OPCML: variants seen among roughly 807,000 people sequenced by gnomAD.
OPCML encodes opioid binding protein/cell adhesion molecule like, also known as opioid-binding protein/cell adhesion molecule.
In OPCML, 13 loss-of-function variants were observed where a neutral mutation model predicts 37.8. The ratio of observed to expected loss-of-function variants is 0.34; its 90% CI spans 0.22 to 0.55. The LOEUF (loss-of-function observed/expected upper bound fraction) is 0.55. OPCML is among the 20% of genes least tolerant of loss of function. OPCML has a pLI of 0.91. For synonymous variants in OPCML, 176 were observed against 168.8 expected, an observed-to-expected ratio of 1.04 and a Z score of -0.33; for missense variants, 341 against 435.6, an observed-to-expected ratio of 0.78 and a Z score of 1.93.
intron 1 of OPCML, among the ~76,000 whole-genome samples, chr11:133,084,651 T>C (rs553831119): frequency 6.6e-6 from 1 of 152,328 alleles, no homozygotes; most frequent in South Asian, 2.1e-4. Context: ...AGATAGGGCC[T>C]GGCCTGATCA....
intron 1 of OPCML, among the ~76,000 whole-genome samples, chr11:133,230,648 C>T (rs1400854090): frequency 2.0e-5 from 3 of 152,140 alleles, no homozygotes; most frequent in Non-Finnish European, 4.4e-5. Flanking sequence ...ATCAGTCGCA[C>T]GCAATAAAAG....
intron 3 of OPCML, among the ~76,000 whole-genome samples, chr11:132,643,486 A>G (rs1333971851): frequency 6.6e-6 from 1 of 152,024 alleles, no homozygotes; most frequent in African/African-American, 2.4e-5. Flanking sequence ...TCCCACCCCC[A>G]ACCAGGGAGG....
intron 1 of OPCML, among the ~76,000 whole-genome samples, chr11:133,350,581 G>A (rs987076240): frequency 3.3e-5 from 5 of 152,242 alleles, no homozygotes; most frequent in Non-Finnish European, 7.4e-5. Context: ...GATCCCAAAT[G>A]GGAATGGGAA....
intron 4 of OPCML, among the ~76,000 whole-genome samples, chr11:132,527,634 G>A (rs1161704406): frequency 1.3e-5 from 2 of 151,690 alleles, no homozygotes; most frequent in South Asian, 2.1e-4. Context: ...TCAAATATAT[G>A]TACAAGAAAT....
At chr11:133,084,068 AT>A (rs112976095) in intron 1 of OPCML, among the ~76,000 whole-genome samples, 1,651 of 148,880 alleles carry the variant, frequency 0.011, 23 homozygotes, top group African/African-American at 0.032. Context: ...CTCTCTTGAC[AT>A]TTTTTTTTTA....
At chr11:132,922,410 G>C (rs555068406) in intron 2 of OPCML, among the ~76,000 whole-genome samples, 2 of 152,176 alleles carry the variant, frequency 1.3e-5, no homozygotes, top group Non-Finnish European at 2.9e-5. Flanking sequence ...AGCCAAAAGA[G>C]GTCGGATGGG....
At chr11:133,313,434 C>T (rs1442956897) in intron 1 of OPCML, among the ~76,000 whole-genome samples, 2 of 152,170 alleles carry the variant, frequency 1.3e-5, no homozygotes, top group Non-Finnish European at 2.9e-5. Context: ...TTCCAAGAAC[C>T]TGTGAATGCA....
intron 1 of OPCML, among the ~76,000 whole-genome samples, chr11:133,139,077 T>C (rs1592038119): frequency 6.6e-6 from 1 of 152,236 alleles, no homozygotes; most frequent in East Asian, 1.9e-4. Flanking sequence ...AGATATGCCA[T>C]AAATGATTGT....
At chr11:133,091,147 G>C (rs1361629440) in intron 1 of OPCML, among the ~76,000 whole-genome samples, 3 of 152,172 alleles carry the variant, frequency 2.0e-5, no homozygotes, top group Non-Finnish European at 4.4e-5. Flanking sequence ...GTGCAGCTTG[G>C]GCCACCACTT....
chr11:132,820,128 A>G (rs1939895883), intron 2 of OPCML, among the ~76,000 whole-genome samples: 1 of 152,160 alleles, frequency 6.6e-6, no homozygotes, highest in Non-Finnish European at 1.5e-5. Flanking sequence ...GGAAGAAAAG[A>G]AAATGGAGTG....
chr11:132,532,260 C>G (rs1045018219), intron 3 of OPCML, among the ~76,000 whole-genome samples: 3 of 152,132 alleles, frequency 2.0e-5, no homozygotes, highest in African/African-American at 7.2e-5. Flanking sequence ...GTCTGCTTTC[C>G]TCTGTAGCTC....
chr11:132,970,322 C>T (rs1302059158), intron 1 of OPCML, among the ~76,000 whole-genome samples: 3 of 152,054 alleles, frequency 2.0e-5, no homozygotes, highest in Non-Finnish European at 4.4e-5. Flanking sequence ...AGTCTAATTA[C>T]CCTTTTGGGA....
intron 1 of OPCML, among the ~76,000 whole-genome samples, chr11:133,011,501 A>G (rs1324942915): frequency 6.6e-6 from 1 of 152,208 alleles, no homozygotes; most frequent in Non-Finnish European, 1.5e-5. Flanking sequence ...CCCAGAGTTG[A>G]CATGCTATAA....
At chr11:133,069,698 C>T (rs1489011305) in intron 1 of OPCML, among the ~76,000 whole-genome samples, 1 of 152,182 alleles carries the variant, frequency 6.6e-6, no homozygotes, top group Non-Finnish European at 1.5e-5. Flanking sequence ...GTCTCAACAG[C>T]ACTCCCGTTT....
intron 1 of OPCML, among the ~76,000 whole-genome samples, chr11:132,977,144 T>G (rs889722053): frequency 6.6e-6 from 1 of 152,228 alleles, no homozygotes; most frequent in Admixed American, 6.5e-5. Context: ...AGTTGGTATG[T>G]CTCATAAAAT....
intron 2 of OPCML, among the ~76,000 whole-genome samples, chr11:132,703,400 C>G (rs1943908195): frequency 6.6e-6 from 1 of 152,160 alleles, no homozygotes; most frequent in Non-Finnish European, 1.5e-5. Flanking sequence ...ATGTTGCTGT[C>G]CAGTGTATGA....
chr11:133,108,907 C>G (rs1949205966), intron 1 of OPCML, among the ~76,000 whole-genome samples: 1 of 152,186 alleles, frequency 6.6e-6, no homozygotes, highest in Non-Finnish European at 1.5e-5. Flanking sequence ...TTTCCATATG[C>G]AGGAAGCCTG....
intron 1 of OPCML, among the ~76,000 whole-genome samples, chr11:133,165,053 T>A (rs946658363): frequency 1.3e-5 from 2 of 152,250 alleles, no homozygotes; most frequent in African/African-American, 4.8e-5. Flanking sequence ...GAAATACATA[T>A]ACATTTAAAA....
intron 1 of OPCML, among the ~76,000 whole-genome samples, chr11:133,113,998 CTGT>C (rs1949295105): frequency 6.6e-6 from 1 of 152,348 alleles, no homozygotes; most frequent in Middle Eastern, 3.4e-3. Flanking sequence ...TATGATTACG[CTGT>C]TGTCTATCTA....
Sources: allele counts gnomAD v4.1 joint callset (sites outside exome capture counted in the v4.1 genomes callset), GRCh38; gene constraint gnomAD v4.1.1; transcripts MANE v1.5; gene names NCBI Gene and HGNC (gene_info 2026-07-23, HGNC 2026-07-21).